The following ITPR1 variants were observed in gnomAD, a reference collection of about 807,000 sequenced individuals.
The protein encoded by ITPR1 is inositol 1,4,5-trisphosphate-gated calcium channel ITPR1.
ITPR1 carries 96 observed loss-of-function variants against 318.4 expected under a neutral mutation model. The observed-to-expected ratio is 0.30, with a 90% CI of 0.26 to 0.36. ITPR1 has a LOEUF of 0.36. ITPR1 is among the 10% of genes least tolerant of loss of function. The pLI, the probability that ITPR1 is intolerant of heterozygous loss-of-function variation, is 1.00. For missense variants in ITPR1, 2,440 were observed against 3,460.2 expected (o/e 0.71, Z 7.40); for synonymous variants, 1,312 against 1,289.9 (o/e 1.02, Z -0.37).
intron 4 of ITPR1, among the ~76,000 whole-genome samples, chr3:4,601,170 A>ATT (rs2091244920): frequency 5.2e-5 from 4 of 76,498 alleles, no homozygotes; most frequent in Admixed American, 3.9e-4. Context: ...ATGGGGAAAA[A>ATT]TATTCTTTTT....
chr3:4,804,171 C>T (rs963028681), intron 54 of ITPR1, among the ~76,000 whole-genome samples: 4 of 152,234 alleles, frequency 2.6e-5, no homozygotes, highest in South Asian at 2.1e-4. Context: ...CATGCCCCGC[C>T]TAGAGTGAAT....
chr3:4,551,172 C>A (rs2085527884), intron 4 of ITPR1, among the ~76,000 whole-genome samples: 1 of 152,134 alleles, frequency 6.6e-6, no homozygotes, highest in African/African-American at 2.4e-5. Context: ...CAGGGAAGTG[C>A]CTTTTCTGCA....
chr3:4,675,206 G>A lies in ITPR1; in HGVS notation c.2737G>A (p.Gly913Arg). The stretch of plus-strand genomic sequence containing the variant: ...CTTCCCCATTAGCAAGATGGCGAAA[G>A]GAGAAGAGAATAAAGGTAACAATGA... ...TIFPISKMAK[G>R]EENKGNNDVE... is the part of the protein sequence containing the mutation. Residue 913 changes from glycine to arginine, a missense_variant, in exon 23 of 62, where the codon GGA (glycine) becomes AGA (arginine). Gly to Arg is a moderately radical substitution (Grantham distance 125). This residue lies in a region of ITPR1 where 478 missense variants were observed against 696.3 expected (regional missense o/e 0.69). Coordinates refer to ENST00000649015, the MANE Select transcript of ITPR1 (RefSeq NM_001378452.1). 1 of 1,612,698 alleles carries A rather than the reference G, an allele frequency of 6.2e-7. No homozygotes were observed.
At chr3:4,741,119 T>A (rs1280328215) in intron 44 of ITPR1, among the ~76,000 whole-genome samples, 7 of 152,172 alleles carry the variant, frequency 4.6e-5, no homozygotes, top group African/African-American at 1.7e-4. Context: ...GGAAGTTCCC[T>A]TCGCTTCCTC....
intron 44 of ITPR1, among the ~76,000 whole-genome samples, chr3:4,754,645 C>T (rs564597853): frequency 1.3e-5 from 2 of 152,286 alleles, no homozygotes; most frequent in African/African-American, 2.4e-5. Context: ...CCCTCTGATT[C>T]CTTGGACAAA....
At chr3:4,602,877 A>G (rs2091404068) in intron 4 of ITPR1, among the ~76,000 whole-genome samples, 1 of 151,640 alleles carries the variant, frequency 6.6e-6, no homozygotes, top group African/African-American at 2.4e-5. Context: ...ATTAATGGGT[A>G]TAGGATGTTT....
At chr3:4,778,882 A>G (rs934530164) in intron 48 of ITPR1, among the ~76,000 whole-genome samples, 1 of 152,260 alleles carries the variant, frequency 6.6e-6, no homozygotes, top group Non-Finnish European at 1.5e-5. Context: ...TACATAAAGA[A>G]GCATACAAAG....
At position 4,744,930 on chromosome 3, in the gene ITPR1, TTCCTTCCTTCCTTCCTTCCC is replaced by T. The variant is rs1427356450; in HGVS notation, c.5544+9580_5544+9599del. 6.2e-4 allele frequency among the ~76,000 whole-genome samples: 28 copies of T among 45,420 alleles called. 1 individual carries two copies. The highest frequency in any genetic ancestry group is 2.1e-3 in the South Asian group (1 of 486). 29.8% of individuals were successfully genotyped at this position (45,420 alleles called of 152,430 possible). ...CTTCCTTCCTTCCTTCCTTCCTTCCTTCCTTCCTTCCTTCCTTCCCTCCCTCCCTCCTTCCTTCCTTCGTT... is the reference window on the plus strand; with the variant it reads ...CTTCCTTCCTTCCTTCCTTCCTTCCTTCCCTCCCTCCTTCCTTCCTTCGTT... On this transcript the variant is annotated intron_variant, in intron 44 of 61. Coordinates refer to ENST00000649015, the MANE Select transcript of ITPR1 (RefSeq NM_001378452.1).
chr3:4,656,347 T>G (rs2093708040), intron 12 of ITPR1, among the ~76,000 whole-genome samples: 1 of 152,192 alleles, frequency 6.6e-6, no homozygotes, highest in African/African-American at 2.4e-5. Context: ...AGAGTTTATT[T>G]TGAAAGTGGC....
At chr3:4,604,096 C>T (rs752704586) in intron 4 of ITPR1, among the ~76,000 whole-genome samples, 26 of 152,058 alleles carry the variant, frequency 1.7e-4, no homozygotes, top group African/African-American at 3.4e-4. Context: ...TGATGTTGAG[C>T]GTTTTTTCCT....
At chr3:4,665,447 C>T (rs1265892580) in intron 17 of ITPR1, among the ~76,000 whole-genome samples, 151 bp downstream of exon 17, 1 of 152,196 alleles carries the variant, frequency 6.6e-6, no homozygotes, top group African/African-American at 2.4e-5. Flanking sequence ...GAAACACAAG[C>T]CCAGGAAGAA....
intron 24 of ITPR1, among the ~76,000 whole-genome samples, chr3:4,677,887 A>G (rs2094216060): frequency 6.6e-6 from 1 of 150,500 alleles, no homozygotes. Context: ...GCTTGGTCGT[A>G]GGCATGAAAC....
At chr3:4,505,344 C>T (rs894411465) in intron 2 of ITPR1, among the ~76,000 whole-genome samples, 1 of 152,152 alleles carries the variant, frequency 6.6e-6, no homozygotes, top group African/African-American at 2.4e-5. Flanking sequence ...AAGCACAAGC[C>T]ACCACGCCTG....
At chr3:4,567,492 G>A (rs756258469) in intron 4 of ITPR1, among the ~76,000 whole-genome samples, 10 of 152,144 alleles carry the variant, frequency 6.6e-5, no homozygotes, top group African/African-American at 2.4e-4. Context: ...ACTCCAAGTC[G>A]AAACTGAGAT....
intron 52 of ITPR1, among the ~76,000 whole-genome samples, chr3:4,788,475 T>A (rs1010755288): frequency 2.0e-5 from 3 of 152,224 alleles, no homozygotes; most frequent in African/African-American, 7.2e-5. Context: ...GCTCACAGGG[T>A]GGTTCACTTG....
At chr3:4,586,338 GT>G (rs2089896956) in intron 4 of ITPR1, among the ~76,000 whole-genome samples, 1 of 152,054 alleles carries the variant, frequency 6.6e-6, no homozygotes, top group Non-Finnish European at 1.5e-5. Flanking sequence ...CATATCCTTG[GT>G]TTACTATTGA....
intron 4 of ITPR1, among the ~76,000 whole-genome samples, chr3:4,595,263 G>A (rs9857199): frequency 0.71 from 108,296 of 152,060 alleles, 39,582 homozygotes; most frequent in Non-Finnish European, 0.82. Context: ...GGCTTCTGGG[G>A]AGGCTTCAGG....
At chr3:4,588,894 T>G (rs1395974292) in intron 4 of ITPR1, among the ~76,000 whole-genome samples, 2 of 152,156 alleles carry the variant, frequency 1.3e-5, no homozygotes, top group African/African-American at 4.8e-5. Flanking sequence ...CTGAGTCCAG[T>G]TTTCTAGGCC....
chr3:4,737,643 G>T (rs2043372975), intron 44 of ITPR1, among the ~76,000 whole-genome samples: 1 of 152,212 alleles, frequency 6.6e-6, no homozygotes, highest in East Asian at 1.9e-4. Flanking sequence ...TATACACCTG[G>T]CAGTAGAGGA....
Sources: allele counts gnomAD v4.1 joint callset (sites outside exome capture counted in the v4.1 genomes callset), GRCh38; gene constraint gnomAD v4.1.1; regional missense constraint gnomAD v4.1.1; transcripts MANE v1.5; gene names NCBI Gene and HGNC (gene_info 2026-07-23, HGNC 2026-07-21).